Variants in PRMT3 observed in about 807,000 individuals in gnomAD.
PRMT3 encodes the protein protein arginine methyltransferase 3.
In PRMT3, 62 loss-of-function variants were observed where a neutral mutation model predicts 71.9. The ratio of observed to expected loss-of-function variants is 0.86; its 90% confidence interval spans 0.70 to 1.07. The LOEUF (loss-of-function observed/expected upper bound fraction) is 1.07. PRMT3 is among the 50% of genes least tolerant of loss of function. PRMT3 has a pLI of 0.00. For synonymous variants in PRMT3, 213 were observed against 220.4 expected, an observed-to-expected ratio of 0.97 and a Z score of 0.30; for missense variants, 663 against 643.0, an observed-to-expected ratio of 1.03 and a Z score of -0.34.
At chr11:20,446,490 C>G (rs1480496999) in intron 10 of PRMT3, among the ~76,000 whole-genome samples, 3 of 151,932 alleles carry the variant, frequency 2.0e-5, no homozygotes, top group Non-Finnish European at 2.9e-5. Context: ...TGGGTTTTAA[C>G]ATAGTCAAAT....
chr11:20,414,960 T>C (rs1688223299), intron 9 of PRMT3, among the ~76,000 whole-genome samples: 1 of 151,774 alleles, frequency 6.6e-6, no homozygotes, highest in Non-Finnish European at 1.5e-5. Flanking sequence ...GTTAAGGTTT[T>C]TGAATAAAAG....
At chr11:20,409,898 A>T (rs1420375268) in intron 9 of PRMT3, among the ~76,000 whole-genome samples, 1 of 152,080 alleles carries the variant, frequency 6.6e-6, no homozygotes, top group Admixed American at 6.6e-5. Context: ...AGAATTCTCA[A>T]AATTTTATTG....
At position 20,388,041 on chromosome 11, in the gene PRMT3, TGAG is replaced by T. The variant is rs1565188827; in HGVS notation, c.57_59del (p.Glu19del). ...TAGGCGGCCGGGGCGCTGTGGAGAATGAGGAGGACCTGCCAGAACTGTCGGACA... is the reference window on the plus strand; with the variant it reads ...TAGGCGGCCGGGGCGCTGTGGAGAATGAGGACCTGCCAGAACTGTCGGACA... On this transcript the variant is annotated inframe_deletion, in exon 2 of 16. Coordinates refer to ENST00000331079, the MANE Select transcript of PRMT3 (RefSeq NM_005788.4). The T allele has an allele frequency of 6.2e-7, 1 of 1,613,944 alleles. No individual in the cohort carries two copies. Among genetic ancestry groups the T allele is most frequent in the Admixed American group, 1.7e-5 (1 of 60,024 alleles).
intron 10 of PRMT3, among the ~76,000 whole-genome samples, chr11:20,439,549 C>T (rs1280572819): frequency 6.6e-6 from 1 of 152,172 alleles, no homozygotes; most frequent in Non-Finnish European, 1.5e-5. Flanking sequence ...TCAGCCCTTG[C>T]TGATATCACT....
intron 15 of PRMT3, among the ~76,000 whole-genome samples, chr11:20,500,974 C>A (rs1851445035): frequency 6.6e-6 from 1 of 152,166 alleles, no homozygotes; most frequent in Admixed American, 6.5e-5. Context: ...CCAACCCCAT[C>A]CTTTCACAAC....
At chr11:20,470,465 T>TA (rs755249947) in intron 13 of PRMT3, among the ~76,000 whole-genome samples, 27 of 152,218 alleles carry the variant, frequency 1.8e-4, no homozygotes, top group Admixed American at 1.5e-3. Flanking sequence ...AGCTCTCACT[T>TA]ATAAGTGAGA....
In PRMT3 at chr11:20,389,713, T is replaced by A. The variant is rs769944652; in HGVS notation, c.165-31T>A. ...TCAGTATTTAGACTTCTTAGGGGAC[T>A]ATTCCATGAAGCTATTGCTTGATTT... On this transcript the variant is annotated intron_variant, in intron 2 of 15. Transcript: ENST00000331079. 4 of 1,472,668 alleles carry A rather than the reference T, an allele frequency of 2.7e-6. No individual in the cohort carries two copies. In the South Asian group the frequency reaches 4.6e-5, roughly 17 times the overall value. The allele number at this position is 1,472,668 out of a possible 1,614,324, so 91.2% of individuals were successfully genotyped here. A position where few individuals can be genotyped will look rare whatever the true frequency, so the allele number is the denominator to read the frequency against.
chr11:20,484,664 G>T (rs1205519992), intron 13 of PRMT3, among the ~76,000 whole-genome samples: 1 of 152,140 alleles, frequency 6.6e-6, no homozygotes, highest in Non-Finnish European at 1.5e-5. Context: ...ACGTGGAACT[G>T]TAAGTCCCAT....
chr11:20,462,100 T>G lies in PRMT3; in HGVS notation c.1193T>G (p.Val398Gly). The change falls in exon 12 of 16, where the codon GTT (valine) becomes GGT (glycine). Residue 398 changes from valine (V) to glycine (G), a missense_variant. Physicochemically the swap from Val to Gly is moderately radical, Grantham distance 109. Coordinates refer to ENST00000331079, the MANE Select transcript of PRMT3 (RefSeq NM_005788.4). The part of the protein sequence containing the change: ...GFKMSCMKKA[V>G]IPEAVVEVLD... ...AAGATGTCCTGCATGAAGAAAGCAG[T>G]TATTCCAGAAGCTGTTGTGGAAGTT... The G allele has an allele frequency of 6.2e-7, 1 of 1,613,182 alleles. No individual in the cohort carries two copies. The highest frequency in any genetic ancestry group is 8.5e-7 in the Non-Finnish European group (1 of 1,179,380).
intron 10 of PRMT3, among the ~76,000 whole-genome samples, chr11:20,427,887 A>C (rs2133354031): frequency 6.6e-6 from 1 of 152,280 alleles, no homozygotes; most frequent in South Asian, 2.1e-4. Context: ...ATTTATCAAA[A>C]AATTTTGAAA....
intron 13 of PRMT3, 93 bp from the exon 14 acceptor site, chr11:20,493,826 T>C: frequency 1.2e-6 from 1 of 839,816 alleles, no homozygotes; most frequent in East Asian, 2.7e-5. Context: ...TCTGAAATGG[T>C]TTATCATTTG....
At chr11:20,421,809 G>A (rs1022780979) in intron 9 of PRMT3, among the ~76,000 whole-genome samples, 5 of 152,132 alleles carry the variant, frequency 3.3e-5, no homozygotes, top group Non-Finnish European at 5.9e-5. Flanking sequence ...CAGTCAATGA[G>A]ATAGTGCCTC....
chr11:20,438,470 G>C (rs1427023405), intron 10 of PRMT3, among the ~76,000 whole-genome samples: 1 of 152,088 alleles, frequency 6.6e-6, no homozygotes, highest in Non-Finnish European at 1.5e-5. Context: ...AAGGAAAGGG[G>C]TGTCTCTGCA....
At chr11:20,503,810 A>T (rs1851513982) in intron 15 of PRMT3, among the ~76,000 whole-genome samples, 1 of 152,200 alleles carries the variant, frequency 6.6e-6, no homozygotes, top group Admixed American at 6.5e-5. Flanking sequence ...GTCTTGGTGC[A>T]GACAGATGTT....
At chr11:20,436,607 A>G (rs370314482) in intron 10 of PRMT3, among the ~76,000 whole-genome samples, 2 of 152,132 alleles carry the variant, frequency 1.3e-5, no homozygotes, top group Admixed American at 1.3e-4. Context: ...ACATTTTGTC[A>G]TCCTTGCATA....
intron 10 of PRMT3, among the ~76,000 whole-genome samples, chr11:20,430,919 T>C (rs1157569650): frequency 6.6e-6 from 1 of 152,326 alleles, no homozygotes; most frequent in African/African-American, 2.4e-5. Flanking sequence ...CCTCATTTTT[T>C]ACATTTTAGT....
rs532652179 is a variant in PRMT3, at chr11:20,488,906, G to A, written c.1348-5013G>A. ...TTAAAACAGATTTTTTCATGATTCAGTTTACAAATGCCATGAGTTTTCTTT... is the reference window on the plus strand; with the variant it reads ...TTAAAACAGATTTTTTCATGATTCAATTTACAAATGCCATGAGTTTTCTTT... On this transcript the variant is annotated intron_variant, in intron 13 of 15. Transcript: ENST00000331079. Among the ~76,000 whole-genome samples, 3 of 152,170 alleles carry A rather than the reference G, an allele frequency of 2.0e-5. No homozygotes were observed. In the South Asian group the frequency reaches 6.2e-4, roughly 32 times the overall value.
chr11:20,409,137 T>C (rs935625422), intron 9 of PRMT3, among the ~76,000 whole-genome samples: 2 of 152,172 alleles, frequency 1.3e-5, no homozygotes, highest in Non-Finnish European at 1.5e-5. Flanking sequence ...TGGTCTTTTC[T>C]GATTAGTTTA....
intron 13 of PRMT3, among the ~76,000 whole-genome samples, chr11:20,482,236 G>T (rs1850954447): frequency 6.6e-6 from 1 of 151,940 alleles, no homozygotes; most frequent in Non-Finnish European, 1.5e-5. Context: ...AATTTTATCA[G>T]CATTTTAAAA....
Sources: gnomAD v4.1 joint callset for allele counts (sites outside exome capture counted in the v4.1 genomes callset) on GRCh38, gnomAD v4.1.1 for gene constraint, MANE v1.5 for transcripts, NCBI Gene and HGNC (gene_info 2026-07-23, HGNC 2026-07-21) for gene names.